MOCS1: variants seen among roughly 807,000 people sequenced by gnomAD.
The protein encoded by MOCS1 is molybdenum cofactor biosynthesis protein 1.
MOCS1 carries 39 observed loss-of-function variants against 57.6 expected under a neutral mutation model. The ratio of observed to expected loss-of-function variants is 0.68; its 90% CI spans 0.52 to 0.88. The LOEUF (loss-of-function observed/expected upper bound fraction) is 0.88, where lower values mean the gene tolerates loss of function less well. MOCS1 is among the 40% of genes least tolerant of loss of function. MOCS1 has a pLI of 0.00. For missense variants in MOCS1, 795 were observed against 831.1 expected (o/e 0.96, Z 0.53); for synonymous variants, 334 against 335.7 (o/e 1.00, Z 0.05).
Position 39,913,843 on chromosome 6 carries a change from G to A in MOCS1, c.584-8C>T. 6.2e-7 allele frequency: 1 copy of A among 1,613,984 alleles called. No individual in the cohort carries two copies. The highest frequency in any genetic ancestry group is 2.2e-5 in the East Asian group (1 of 44,870). On this transcript the variant is annotated splice_polypyrimidine_tract_variant and splice_region_variant and intron_variant, in intron 4 of 10. Coordinates refer to ENST00000340692, the MANE Select transcript of MOCS1 (RefSeq NM_001358530.2). The stretch of plus-strand genomic sequence containing the variant: ...CCATGACCTTGTGGAAGCCTGGGAG[G>A]GAGAAACAAGGATCCAGGAACTTCT...
intron 7 of MOCS1, among the ~76,000 whole-genome samples, chr6:39,912,575 T>C (rs1252928881): frequency 6.6e-6 from 1 of 152,152 alleles, no homozygotes; most frequent in Non-Finnish European, 1.5e-5. Context: ...TGGCTTGCCC[T>C]AGATAAAAGC....
chr6:39,916,450 C>T (rs955531015), intron 3 of MOCS1, among the ~76,000 whole-genome samples: 9 of 152,210 alleles, frequency 5.9e-5, no homozygotes, highest in Admixed American at 3.3e-4. Context: ...GCTAGGTGCT[C>T]TGCTGAGGGC....
intron 5 of MOCS1, 74 bp from the exon 6 acceptor site, chr6:39,913,502 GGCA>G: frequency 7.6e-7 from 1 of 1,318,884 alleles, no homozygotes; most frequent in African/African-American, 1.4e-5. Flanking sequence ...TTGGGGGCCT[GGCA>G]CTCACTGAGG....
intron 10 of MOCS1, among the ~76,000 whole-genome samples, chr6:39,908,231 C>T (rs545961242): frequency 6.6e-6 from 1 of 152,216 alleles, no homozygotes; most frequent in Non-Finnish European, 1.5e-5. Flanking sequence ...TCTGCTCTAA[C>T]CTCTAAAGAA....
chr6:39,909,668 C>T (rs1269044421), intron 9 of MOCS1, among the ~76,000 whole-genome samples, 167 bp downstream of exon 9: 1 of 152,060 alleles, frequency 6.6e-6, no homozygotes, highest in Non-Finnish European at 1.5e-5. Context: ...ATCACTGTAC[C>T]CTGAGTCCAG....
At chr6:39,927,784 C>T in intron 1 of MOCS1, 1 of 1,415,036 alleles carries the variant, frequency 7.1e-7, no homozygotes, top group Non-Finnish European at 9.2e-7. Flanking sequence ...CTAGCCAGTG[C>T]CAAAAAAAGG....
chr6:39,930,351 C>T (rs901242614), intron 1 of MOCS1, among the ~76,000 whole-genome samples: 1 of 152,174 alleles, frequency 6.6e-6, no homozygotes. Context: ...AAGCACTCAA[C>T]GGATCATATT....
Position 39,904,376 on chromosome 6 carries a change from C to T in MOCS1, c.*1981G>A, listed in dbSNP as rs1231853944. 2.2e-6 allele frequency: 1 copy of T among 456,476 alleles called. No homozygotes were observed. The highest frequency in any genetic ancestry group is 2.0e-5 in the African/African-American group (1 of 50,072). 28.3% of individuals were successfully genotyped at this position (456,476 alleles called of 1,614,324 possible). A position where few individuals can be genotyped will look rare whatever the true frequency, so the allele number is the denominator to read the frequency against. On this transcript the variant is annotated 3_prime_UTR_variant, in exon 11 of 11. Coordinates refer to ENST00000340692, the MANE Select transcript of MOCS1 (RefSeq NM_001358530.2). ...CCTTGGACCATGGACTCATACTCAA[C>T]TGAGTAAGAAGGGGCTGGTGCCCAG... is the stretch of plus-strand genomic sequence containing the variant.
chr6:39,919,567 C>A (rs565961535), intron 3 of MOCS1, among the ~76,000 whole-genome samples: 3 of 151,422 alleles, frequency 2.0e-5, no homozygotes, highest in African/African-American at 4.8e-5. Flanking sequence ...CATGGTCAAG[C>A]CTTAGTATAT....
intron 10 of MOCS1, among the ~76,000 whole-genome samples, chr6:39,907,405 C>T (rs896030231): frequency 6.6e-6 from 1 of 152,060 alleles, no homozygotes; most frequent in Non-Finnish European, 1.5e-5. Context: ...ACATGAAAAC[C>T]TTCTCAATTC....
rs1766912280 is a variant in MOCS1 at position 39,906,183 on chromosome 6, T to C, written c.*174A>G. On this transcript the variant is annotated 3_prime_UTR_variant, in exon 11 of 11. Transcript: ENST00000340692. Reference sequence around the variant, plus strand: ...ATAGAAAGGAAGCCCCATTGGTCATTAGAGATCATCTAGCAGCAGGCCTGT... The same window carrying C: ...ATAGAAAGGAAGCCCCATTGGTCATCAGAGATCATCTAGCAGCAGGCCTGT... 1 of 846,298 alleles carries C rather than the reference T, an allele frequency of 1.2e-6. No individual in the cohort carries two copies. The highest frequency in any genetic ancestry group is 2.0e-6 in the Non-Finnish European group (1 of 498,212). 52.4% of individuals were successfully genotyped at this position (846,298 alleles called of 1,614,324 possible).
At chr6:39,927,580 T>C (rs1330643995) in intron 1 of MOCS1, 125 bp from the exon 2 acceptor site, 1 of 1,608,314 alleles carries the variant, frequency 6.2e-7, no homozygotes, top group East Asian at 2.2e-5. Flanking sequence ...CTTCCACATG[T>C]TTGGGCTCTG....
chr6:39,933,768 C>A (rs1449511143), intron 1 of MOCS1, among the ~76,000 whole-genome samples: 1 of 151,950 alleles, frequency 6.6e-6, no homozygotes, highest in East Asian at 1.9e-4. Flanking sequence ...TGAACCCTCC[C>A]AAGGTTAATA....
rs1767420753 is a variant in MOCS1, at chr6:39,912,919, C to T, written c.843G>A (p.Val281=). 6.2e-7 allele frequency: 1 copy of T among 1,614,066 alleles called. No homozygotes were observed. Among genetic ancestry groups the T allele is most frequent in the Non-Finnish European group, 8.5e-7 (1 of 1,180,020 alleles). Residue 281 remains valine, a synonymous_variant, in exon 7 of 11, where the codon GTG becomes GTA. Transcript: ENST00000340692. ...TGGCTGTGCTGGATTCCTCCTCTGG[C>T]ACCTTCTCCAGCTCTGGCCACTGCT... ...VRQQWPELEK[V]PEEESSTAKA...
chr6:39,926,801 T>A (rs1768337388), intron 2 of MOCS1, among the ~76,000 whole-genome samples: 1 of 136,980 alleles, frequency 7.3e-6, no homozygotes, highest in African/African-American at 2.8e-5. Context: ...GGAAGGAAGA[T>A]CAACTTTGGA....
In MOCS1 at chr6:39,906,215, G is replaced by C. The variant is rs751006327; in HGVS notation, c.*142C>G. 50 of 1,009,570 alleles carry C rather than the reference G, an allele frequency of 5.0e-5. 1 individual carries two copies. The highest frequency in any genetic ancestry group is 7.2e-5 in the Non-Finnish European group (46 of 642,146). The allele number at this position is 1,009,570 out of a possible 1,614,324, so 62.5% of individuals were successfully genotyped here. A position where few individuals can be genotyped will look rare whatever the true frequency, so the allele number is the denominator to read the frequency against. On this transcript the variant is annotated 3_prime_UTR_variant, in exon 11 of 11. Coordinates refer to ENST00000340692, the MANE Select transcript of MOCS1 (RefSeq NM_001358530.2). Reference sequence around the variant, plus strand: ...CATCTAGCAGCAGGCCTGTTTGTTAGTAGTAGAGCAGGCTGACTTCGGGTT... The same window carrying C: ...CATCTAGCAGCAGGCCTGTTTGTTACTAGTAGAGCAGGCTGACTTCGGGTT...
chr6:39,934,206 G>C, intron 1 of MOCS1, 89 bp downstream of exon 1: 1 of 1,435,270 alleles, frequency 7.0e-7, no homozygotes, highest in South Asian at 1.5e-5. Flanking sequence ...CGGTCAAGCA[G>C]ATAGGCCGGG....
intron 10 of MOCS1, among the ~76,000 whole-genome samples, chr6:39,908,170 G>C (rs1362439489): frequency 1.3e-5 from 2 of 152,218 alleles, no homozygotes; most frequent in South Asian, 2.1e-4. Flanking sequence ...GGGCAAAGAT[G>C]GTCCTTGGGC....
At chr6:39,910,053 G>C in intron 8 of MOCS1, 98 bp from the exon 9 acceptor site, 2 of 1,562,326 alleles carry the variant, frequency 1.3e-6, no homozygotes, top group Non-Finnish European at 1.7e-6. Flanking sequence ...CCTCCGGGAG[G>C]AGCACCAGGG....
Sources: allele counts gnomAD v4.1 joint callset (sites outside exome capture counted in the v4.1 genomes callset), GRCh38; gene constraint gnomAD v4.1.1; transcripts MANE v1.5; gene names NCBI Gene and HGNC (gene_info 2026-07-23, HGNC 2026-07-21).